Variants in ZNF831 observed in about 807,000 individuals in gnomAD.
ZNF831 encodes zinc finger protein 831, also known as chromosome 20 open reading frame 174.
A neutral mutation model predicts 95.8 loss-of-function variants in ZNF831; 59 were observed. That is an observed-to-expected ratio of 0.62 (90% confidence interval 0.50 to 0.77). ZNF831 has a LOEUF of 0.77. Among genes scored for constraint, ZNF831 ranks in the 30% least tolerant of loss-of-function variants. The pLI is 0.00. For missense variants in ZNF831, 2,205 were observed against 2,164.0 expected, an observed-to-expected ratio of 1.02 and a Z score of -0.38; for synonymous variants, 961 against 925.5, an observed-to-expected ratio of 1.04 and a Z score of -0.70.
chr20:59,212,633 C>T (rs1985421708), intron 4 of ZNF831, among the ~76,000 whole-genome samples: 1 of 152,166 alleles, frequency 6.6e-6, no homozygotes. Context: ...GGGGCTGTCT[C>T]ATTGAAGGGA....
In ZNF831 at chr20:59,168,510, C is replaced by T. The variant is rs141747327; in HGVS notation, c.-37+4303C>T. Among the ~76,000 whole-genome samples the T allele has an allele frequency of 6.1e-4, 73 of 119,462 alleles. 1 individual carries two copies. In the East Asian group the frequency reaches 0.018, roughly 30 times the overall value. The allele number at this position is 119,462 out of a possible 152,430, so 78.4% of individuals were successfully genotyped here. On this transcript the variant is annotated intron_variant, in intron 1 of 5. Coordinates refer to ENST00000371030, the MANE Select transcript of ZNF831 (RefSeq NM_178457.3). ...TGAGAATTTGTATGTAGACAATAATCTCATCTGCAAGTAGGGATAGTTTTA... is the reference window on the plus strand; with the variant it reads ...TGAGAATTTGTATGTAGACAATAATTTCATCTGCAAGTAGGGATAGTTTTA...
intron 1 of ZNF831, among the ~76,000 whole-genome samples, chr20:59,165,144 G>A (rs1357997492): frequency 2.0e-5 from 3 of 152,190 alleles, no homozygotes; most frequent in Non-Finnish European, 2.9e-5. Context: ...CCGCTGGGAA[G>A]CTGGGGAGGG....
chr20:59,130,384 C>T (rs577062324), intron 1 of ZNF831, among the ~76,000 whole-genome samples: 2 of 152,266 alleles, frequency 1.3e-5, no homozygotes, highest in Middle Eastern at 6.8e-3. Context: ...TGAAAGGGCC[C>T]CTAAGTTTCC....
intron 1 of ZNF831, among the ~76,000 whole-genome samples, chr20:59,145,296 GTGTT>G (rs750367916): frequency 5.3e-5 from 8 of 152,198 alleles, no homozygotes; most frequent in Non-Finnish European, 1.2e-4. Flanking sequence ...GATTGTGTGT[GTGTT>G]TGTGTGTGTC....
At chr20:59,185,242 C>T (rs541088432) in intron 1 of ZNF831, among the ~76,000 whole-genome samples, 6 of 152,290 alleles carry the variant, frequency 3.9e-5, no homozygotes, top group Non-Finnish European at 7.4e-5. Context: ...TCATCTCCCT[C>T]GAGGAAGGTG....
intron 2 of ZNF831, among the ~76,000 whole-genome samples, chr20:59,150,968 TTA>T (rs1049316249): frequency 2.0e-5 from 3 of 152,132 alleles, no homozygotes; most frequent in African/African-American, 7.2e-5. Context: ...ACCATGCAAA[TTA>T]TATACAAATA....
rs568542313 is a variant in ZNF831 at position 59,192,005 on chromosome 20, C to G, written c.986C>G (p.Ala329Gly). ...ACGGCAGCGGAGAAGCCCTGGGATG[C>G]CAAGGCCCCCGAGGGCCGGCTGCGG... ...QATAAEKPWD[A>G]KAPEGRLRKC... Residue 329 changes from alanine to glycine, a missense_variant, in exon 2 of 6, where the codon GCC (alanine) becomes GGC (glycine). Physicochemically the swap from Ala to Gly is moderately conservative, Grantham distance 60. Coordinates refer to ENST00000371030, the MANE Select transcript of ZNF831 (RefSeq NM_178457.3). This position sits in a 1 kb window ranked among gnomAD's most constrained non-coding sequence, Gnocchi z 5.2. 1 of 1,608,372 alleles carries G rather than the reference C, an allele frequency of 6.2e-7. No individual in the cohort carries two copies. Among genetic ancestry groups the G allele is most frequent in the Non-Finnish European group, 8.5e-7 (1 of 1,178,636 alleles).
At chr20:59,152,247 C>A (rs2146458438) in intron 2 of ZNF831, among the ~76,000 whole-genome samples, 1 of 152,294 alleles carries the variant, frequency 6.6e-6, no homozygotes, top group South Asian at 2.1e-4. Context: ...AAATCCACTA[C>A]AATGTAAGAC....
intron 4 of ZNF831, among the ~76,000 whole-genome samples, chr20:59,250,864 A>G (rs1987850660): frequency 6.6e-6 from 1 of 152,214 alleles, no homozygotes. Flanking sequence ...CAGCGAAAAG[A>G]TAAGAAAAAT....
At chr20:59,186,363 AGGAGGAAGACAGGGTGGG>A (rs1309473429) in intron 1 of ZNF831, among the ~76,000 whole-genome samples, 6 of 152,308 alleles carry the variant, frequency 3.9e-5, no homozygotes, top group South Asian at 4.2e-4. Flanking sequence ...AGACAAGGGT[AGGAGGAAGACAGGGTGGG>A]GGAGGAACCG....
rs1983689671 is a variant in ZNF831 at position 59,192,655 on chromosome 20, T to G, written c.1636T>G (p.Ser546Ala). The change falls in exon 2 of 6, where the codon TCG (serine) becomes GCG (alanine). Residue 546 changes from serine to alanine, a missense_variant. By Grantham distance (99) the Ser-to-Ala change is moderately conservative. Transcript: ENST00000371030. The surrounding 1 kb of genome is among the most constrained non-coding windows in gnomAD (Gnocchi z 5.2). ...CGGCCCAGCCCGCCTGGGCTGCCGC[T>G]CGGGACTAAGCTCGACTGACGTTCC... ...RPGPARLGCR[S>A]GLSSTDVPSG... 1 of 1,516,712 alleles carries G rather than the reference T, an allele frequency of 6.6e-7. No homozygotes were observed. Among genetic ancestry groups the G allele is most frequent in the Non-Finnish European group, 8.8e-7 (1 of 1,133,596 alleles). 94.0% of individuals were successfully genotyped at this position (1,516,712 alleles called of 1,614,324 possible).
chr20:59,178,774 T>C (rs943203453), intron 1 of ZNF831, among the ~76,000 whole-genome samples: 2 of 152,214 alleles, frequency 1.3e-5, no homozygotes, highest in South Asian at 2.1e-4. Context: ...TACAGTTCAT[T>C]TGAGTATCAC....
At chr20:59,247,095 T>G (rs959998786) in intron 4 of ZNF831, among the ~76,000 whole-genome samples, 29 of 152,246 alleles carry the variant, frequency 1.9e-4, no homozygotes, top group African/African-American at 6.8e-4. Context: ...AAAGAAACTT[T>G]AGCATAACGT....
chr20:59,248,450 C>T (rs1987723909), intron 4 of ZNF831, among the ~76,000 whole-genome samples: 1 of 152,194 alleles, frequency 6.6e-6, no homozygotes, highest in Non-Finnish European at 1.5e-5. Flanking sequence ...AGATAATTCA[C>T]TTTTCTCTGT....
In ZNF831 at chr20:59,193,006, G is replaced by A. The variant is rs2146575598; in HGVS notation, c.1987G>A (p.Glu663Lys). 1 of 1,575,234 alleles carries A rather than the reference G, an allele frequency of 6.3e-7. No individual in the cohort carries two copies. The highest frequency in any genetic ancestry group is 8.6e-7 in the Non-Finnish European group (1 of 1,162,318). ...GAELGFPLQKEAAGSSGTVPT... is the reference protein window; with the variant it reads ...GAELGFPLQKKAAGSSGTVPT... ...AGAACTGGGCTTTCCTCTGCAGAAA[G>A]AGGCAGCAGGGAGCTCAGGCACAGT... The change falls in exon 2 of 6, where the codon GAG (glutamate) becomes AAG (lysine). Residue 663 changes from glutamate to lysine, a missense_variant. Glu to Lys is a moderately conservative substitution (Grantham distance 56). Coordinates refer to ENST00000371030, the MANE Select transcript of ZNF831 (RefSeq NM_178457.3).
chr20:59,145,711 A>G (rs951172737), intron 1 of ZNF831, among the ~76,000 whole-genome samples: 32 of 152,310 alleles, frequency 2.1e-4, no homozygotes, highest in African/African-American at 7.7e-4. Context: ...GATTCTGAGC[A>G]AGACCCTGGA....
At chr20:59,142,075 T>C in intron 1 of ZNF831, among the ~76,000 whole-genome samples, 1 of 152,162 alleles carries the variant, frequency 6.6e-6, no homozygotes, top group Non-Finnish European at 1.5e-5. Context: ...TTGCGGCTAA[T>C]GTATTGACCG....
intron 4 of ZNF831, among the ~76,000 whole-genome samples, chr20:59,225,854 G>T (rs557820312): frequency 1.1e-4 from 17 of 152,266 alleles, no homozygotes; most frequent in African/African-American, 4.1e-4. Context: ...AGCTCAAAAA[G>T]GTTTAAGCAC....
chr20:59,232,994 G>GCACACA (rs59267396), intron 4 of ZNF831, among the ~76,000 whole-genome samples: 5,326 of 122,998 alleles, frequency 0.043, 158 homozygotes, highest in Middle Eastern at 0.07. Context: ...GGACCCTGAG[G>GCACACA]CACACACACA....
Sources: gnomAD v4.1 joint callset for allele counts (sites outside exome capture counted in the v4.1 genomes callset) on GRCh38, gnomAD v4.1.1 for gene constraint, Gnocchi (gnomAD v3.1) non-coding constraint, MANE v1.5 for transcripts, NCBI Gene and HGNC (gene_info 2026-07-23, HGNC 2026-07-21) for gene names.